The following RRM2 variants were observed in gnomAD, a reference collection of about 807,000 sequenced individuals.
RRM2 encodes ribonucleotide reductase regulatory subunit M2.
In RRM2, 6 loss-of-function variants were observed where a neutral mutation model predicts 45.9. The observed-to-expected ratio is 0.13, with a 90% confidence interval of 0.07 to 0.26. The LOEUF is 0.26. Among genes scored for constraint, RRM2 ranks in the 10% least tolerant of loss-of-function variants. RRM2 has a pLI of 1.00. For synonymous variants in RRM2, 177 were observed against 173.0 expected, an observed-to-expected ratio of 1.02 and a Z score of -0.18; for missense variants, 343 against 489.5, an observed-to-expected ratio of 0.70 and a Z score of 2.82.
rs187215137 is a variant in RRM2 at position 10,176,547 on chromosome 2, C to T, written n.483-33764C>T. On this transcript the variant is annotated intron_variant and non_coding_transcript_variant, in intron 3 of 3. Transcript: ENST00000381786. ...CCTCCCAAAGTGCTGGGATTACAGG[C>T]GTGAGCCATCGTCTACTTCTAATTT... Among the ~76,000 whole-genome samples, 130 of 152,334 alleles carry T rather than the reference C, an allele frequency of 8.5e-4. 1 individual carries two copies. The highest frequency in any genetic ancestry group is 1.5e-3 in the Non-Finnish European group (101 of 68,038).
chr2:10,186,306 C>G (rs1181577846), intron 3 of RRM2, among the ~76,000 whole-genome samples: 2 of 146,610 alleles, frequency 1.4e-5, no homozygotes, highest in South Asian at 2.2e-4. Context: ...CACCGCCATG[C>G]CCAGCTAATT....
intron 3 of RRM2, among the ~76,000 whole-genome samples, chr2:10,187,267 T>C (rs945542187): frequency 1.3e-5 from 2 of 152,178 alleles, no homozygotes; most frequent in Non-Finnish European, 2.9e-5. Flanking sequence ...TCCTTCTGGA[T>C]AGCTGCAGCC....
At chr2:10,207,239 T>C (rs1664680666) in intron 3 of RRM2, among the ~76,000 whole-genome samples, 1 of 152,138 alleles carries the variant, frequency 6.6e-6, no homozygotes, top group Non-Finnish European at 1.5e-5. Flanking sequence ...CCTGTCATCT[T>C]TGCCTCCTAA....
chr2:10,210,351 G>C, exon 4 of RRM2: 1 of 1,367,682 alleles, frequency 7.3e-7, no homozygotes, highest in Non-Finnish European at 9.8e-7. Context: ...GCAGAGTCTG[G>C]AGAAGCCCAG....
At chr2:10,159,558 G>A (rs1321280157) in intron 3 of RRM2, among the ~76,000 whole-genome samples, 2 of 152,214 alleles carry the variant, frequency 1.3e-5, no homozygotes, top group Admixed American at 1.3e-4. Context: ...GTGGAGCTCT[G>A]AGCGGTGTTT....
chr2:10,142,471 C>A, intron 3 of RRM2: 1 of 1,239,690 alleles, frequency 8.1e-7, no homozygotes, highest in Non-Finnish European at 1.1e-6. Flanking sequence ...GCTCAGTGTA[C>A]AGGGCCCCCA....
chr2:10,173,336 C>T (rs1235963876), intron 3 of RRM2, among the ~76,000 whole-genome samples: 1 of 152,192 alleles, frequency 6.6e-6, no homozygotes, highest in African/African-American at 2.4e-5. Context: ...CCCTTTCTCC[C>T]CCAATGGCAT....
In RRM2 at chr2:10,180,230, G is replaced by A. The variant is rs80136648; in HGVS notation, n.483-30081G>A. Among the ~76,000 whole-genome samples, 836 of 152,314 alleles carry A rather than the reference G, an allele frequency of 5.5e-3. 5 individuals carry two copies. Among genetic ancestry groups the A allele is most frequent in the African/African-American group, 0.019 (798 of 41,562 alleles). On this transcript the variant is annotated intron_variant and non_coding_transcript_variant, in intron 3 of 3. Transcript: ENST00000381786. ...TAAACAGTCCTGAGAGAACCTCTTC[G>A]TCCTGGGGGAAGCTGGCTTGGTCTG...
exon 4 of RRM2, chr2:10,210,360 A>G: frequency 7.3e-7 from 1 of 1,367,764 alleles, no homozygotes; most frequent in Non-Finnish European, 9.8e-7. Flanking sequence ...GGAGAAGCCC[A>G]GCCCTCATTG....
downstream of RRM2, among the ~76,000 whole-genome samples, chr2:10,133,620 C>T (rs1209048639): frequency 6.6e-6 from 1 of 152,102 alleles, no homozygotes; most frequent in Non-Finnish European, 1.5e-5. Context: ...AGAGGGGCTA[C>T]CCTCCTGGTG....
At chr2:10,151,705 C>G (rs1479767216) in intron 3 of RRM2, among the ~76,000 whole-genome samples, 1 of 152,206 alleles carries the variant, frequency 6.6e-6, no homozygotes, top group South Asian at 2.1e-4. Context: ...TACCGCTTTA[C>G]ATGCCTCTGA....
chr2:10,141,147 T>G (rs1026336097), upstream of RRM2, among the ~76,000 whole-genome samples: 9 of 151,734 alleles, frequency 5.9e-5, no homozygotes, highest in African/African-American at 1.9e-4. Context: ...GAGGTGGGAG[T>G]TAGTTGCTTC....
Position 10,169,875 on chromosome 2 carries a change from G to A in RRM2, n.482+27500G>A, listed in dbSNP as rs147567304. 1.4e-4 allele frequency among the ~76,000 whole-genome samples: 22 copies of A among 152,306 alleles called. No homozygotes were observed. The highest frequency in any genetic ancestry group is 5.1e-4 in the African/African-American group (21 of 41,576). ...CCCACGCTGGAACTTGGGGAGAAGA[G>A]GGAGATGTGAGTCAGGTTTTCCTAG... On this transcript the variant is annotated intron_variant and non_coding_transcript_variant, in intron 3 of 3. Transcript: ENST00000381786. The surrounding 1 kb of genome is among the most constrained non-coding windows in gnomAD (Gnocchi z 5.1).
chr2:10,201,200 C>A (rs1477667009), intron 3 of RRM2, among the ~76,000 whole-genome samples: 1 of 151,726 alleles, frequency 6.6e-6, no homozygotes, highest in Non-Finnish European at 1.5e-5. Context: ...TGTATTGCAC[C>A]TTTGCAAATA....
Position 10,200,684 on chromosome 2 carries a change from CACAAATTAT to C in RRM2, n.483-9626_483-9618del, listed in dbSNP as rs1225235878. ...ATATGAGGCCCACAGGGACTGCGCG[CACAAATTAT>C]GAGTCCCACGGGGACCGCGCACACA... is the stretch of plus-strand genomic sequence containing the variant. On this transcript the variant is annotated intron_variant and non_coding_transcript_variant, in intron 3 of 3. Coordinates refer to the RRM2 transcript ENST00000381786. 3.0e-5 allele frequency among the ~76,000 whole-genome samples: 4 copies of C among 135,040 alleles called. No individual in the cohort carries two copies. In the East Asian group the frequency reaches 8.4e-4, roughly 29 times the overall value. 88.6% of individuals were successfully genotyped at this position (135,040 alleles called of 152,430 possible). A position where few individuals can be genotyped will look rare whatever the true frequency, so the allele number is the denominator to read the frequency against.
downstream of RRM2, among the ~76,000 whole-genome samples, chr2:10,135,200 G>T (rs1239996780): frequency 6.9e-6 from 1 of 144,878 alleles, no homozygotes; most frequent in Non-Finnish European, 1.5e-5. Context: ...GGTCCACAGT[G>T]AATCAATAGA....
intron 3 of RRM2, among the ~76,000 whole-genome samples, chr2:10,209,244 G>A (rs1002932514): frequency 8.6e-5 from 13 of 151,932 alleles, no homozygotes; most frequent in African/African-American, 3.1e-4. Context: ...TTTTAGTAGG[G>A]GTGGGGTTTC....
intron 3 of RRM2, among the ~76,000 whole-genome samples, chr2:10,142,733 G>A (rs190503042): frequency 1.2e-4 from 19 of 152,168 alleles, no homozygotes; most frequent in African/African-American, 4.1e-4. Flanking sequence ...GAATGGTCTC[G>A]GGCAGCACCT....
In RRM2 at chr2:10,205,894, C is replaced by T. The variant is rs1285471658; in HGVS notation, n.483-4417C>T. 1.3e-5 allele frequency among the ~76,000 whole-genome samples: 2 copies of T among 151,968 alleles called. No homozygotes were observed. Among genetic ancestry groups the T allele is most frequent in the Admixed American group, 6.6e-5 (1 of 15,262 alleles). ...TTTAGTGGAGACGAGGTTTTCACCA[C>T]GTTGACCAGGCTGGTCTCGAACTCC... On this transcript the variant is annotated intron_variant and non_coding_transcript_variant, in intron 3 of 3. Coordinates refer to the RRM2 transcript ENST00000381786. The surrounding 1 kb of genome is among the most constrained non-coding windows in gnomAD (Gnocchi z 4.8).
Sources: allele counts gnomAD v4.1 joint callset (sites outside exome capture counted in the v4.1 genomes callset), GRCh38; gene constraint gnomAD v4.1.1; non-coding constraint Gnocchi (gnomAD v3.1); transcripts MANE v1.5; gene names NCBI Gene and HGNC (gene_info 2026-07-23, HGNC 2026-07-21).